The following EYS variants were observed in gnomAD, a reference collection of about 807,000 sequenced individuals.
The protein encoded by EYS is EGF-like photoreceptor maintenance factor.
Under a neutral mutation model 282.1 loss-of-function variants are expected in EYS, and 250 were observed. The ratio of observed to expected loss-of-function variants is 0.89; its 90% CI spans 0.80 to 0.98. The LOEUF is 0.98. EYS is among the 50% of genes least tolerant of loss of function. The pLI, the probability that EYS is intolerant of heterozygous loss-of-function variation, is 0.00. For synonymous variants in EYS, 1,355 were observed against 1,282.9 expected (o/e 1.06, Z -1.20); for missense variants, 4,016 against 3,709.0 (o/e 1.08, Z -2.15).
intron 2 of EYS, among the ~76,000 whole-genome samples, chr6:65,568,519 TTAAA>T (rs1764365088): frequency 6.6e-6 from 1 of 152,132 alleles, no homozygotes; most frequent in African/African-American, 2.4e-5. Flanking sequence ...ATTTAAACAA[TTAAA>T]TAAACTTTTT....
chr6:64,589,730 T>C (rs1441610000), intron 26 of EYS, among the ~76,000 whole-genome samples: 2 of 151,900 alleles, frequency 1.3e-5, no homozygotes, highest in Admixed American at 6.6e-5. Flanking sequence ...TTATATAAAA[T>C]GAAACAAAAA....
At chr6:64,218,398 A>G (rs1765996751) in intron 31 of EYS, among the ~76,000 whole-genome samples, 1 of 152,090 alleles carries the variant, frequency 6.6e-6, no homozygotes, top group African/African-American at 2.4e-5. Context: ...GTAATCATCA[A>G]GAAGGACAGA....
At chr6:65,229,933 T>C (rs921380620) in intron 12 of EYS, among the ~76,000 whole-genome samples, 1 of 151,948 alleles carries the variant, frequency 6.6e-6, no homozygotes, top group African/African-American at 2.4e-5. Context: ...CAGAGATCTA[T>C]GACACATACA....
At chr6:65,607,092 C>CTT (rs1348558102) in intron 2 of EYS, among the ~76,000 whole-genome samples, 30 of 151,818 alleles carry the variant, frequency 2.0e-4, no homozygotes, top group Admixed American at 1.4e-3. Context: ...GTGATAATTT[C>CTT]TTGTGAAACT....
intron 5 of EYS, among the ~76,000 whole-genome samples, chr6:65,428,766 G>A (rs1310609625): frequency 1.3e-5 from 2 of 152,058 alleles, no homozygotes; most frequent in Non-Finnish European, 2.9e-5. Context: ...TAAATATAAT[G>A]TAAGTTGGAT....
At chr6:63,821,385 A>G (rs367688599) in intron 36 of EYS, 1 of 152,298 alleles carries the variant, frequency 6.6e-6, no homozygotes, top group African/African-American at 2.4e-5. Context: ...ACCCTTATTG[A>G]GAGTATAAAA....
intron 37 of EYS, among the ~76,000 whole-genome samples, chr6:63,790,889 G>C (rs140769791): frequency 1.1e-4 from 16 of 152,274 alleles, no homozygotes; most frequent in African/African-American, 3.9e-4. Flanking sequence ...CGAGCTGTAA[G>C]GTAGTGGGAG....
chr6:64,341,858 G>T (rs1259907180), intron 29 of EYS, among the ~76,000 whole-genome samples: 2 of 151,476 alleles, frequency 1.3e-5, no homozygotes, highest in Non-Finnish European at 3.0e-5. Context: ...TGGTCACCAT[G>T]ATACACTCAT....
At chr6:64,783,079 G>T (rs1383618475) in intron 22 of EYS, among the ~76,000 whole-genome samples, 1 of 152,098 alleles carries the variant, frequency 6.6e-6, no homozygotes, top group Non-Finnish European at 1.5e-5. Flanking sequence ...CTTTTGTCCA[G>T]TATCCACACC....
chr6:64,795,286 G>A lies in EYS; in HGVS notation c.3443+18092C>T, dbSNP rs1011691917. On this transcript the variant is annotated intron_variant, in intron 22 of 42. Coordinates refer to ENST00000503581, the MANE Select transcript of EYS (RefSeq NM_001142800.2). ...TGCCTTTTATTTTGAAATTATACAT[G>A]ATATTTGTGTTTCCTAGAAGTAGAT... Among the ~76,000 whole-genome samples the A allele has an allele frequency of 4.6e-5, 7 of 151,682 alleles. No individual in the cohort carries two copies. In the South Asian group the frequency reaches 1.5e-3, roughly 32 times the overall value.
chr6:65,443,566 A>G (rs1768517242), intron 5 of EYS, among the ~76,000 whole-genome samples: 1 of 148,162 alleles, frequency 6.7e-6, no homozygotes, highest in Admixed American at 6.8e-5. Context: ...ACATGTATAC[A>G]CACATATGTG....
chr6:65,311,202 AT>A (rs1769149974), intron 11 of EYS, among the ~76,000 whole-genome samples: 3 of 152,226 alleles, frequency 2.0e-5, no homozygotes, highest in African/African-American at 7.2e-5. Flanking sequence ...ATATTCTTAG[AT>A]ATATAACTAA....
At chr6:64,441,193 A>C (rs1309461679) in intron 26 of EYS, among the ~76,000 whole-genome samples, 1 of 152,194 alleles carries the variant, frequency 6.6e-6, no homozygotes, top group Admixed American at 6.5e-5. Flanking sequence ...ATCAATTTTC[A>C]AGGGAAAAAT....
chr6:64,543,329 T>G (rs1367806223), intron 26 of EYS, among the ~76,000 whole-genome samples: 1 of 152,118 alleles, frequency 6.6e-6, no homozygotes, highest in Non-Finnish European at 1.5e-5. Flanking sequence ...AGTATTAAAA[T>G]GGAGGTAAAT....
intron 14 of EYS, among the ~76,000 whole-genome samples, chr6:64,975,146 T>C (rs180963565): frequency 1.2e-4 from 18 of 151,972 alleles, no homozygotes; most frequent in African/African-American, 3.9e-4. Flanking sequence ...ATTTTTAAAA[T>C]CATTTAGCTG....
intron 2 of EYS, among the ~76,000 whole-genome samples, chr6:65,531,292 A>G (rs571592220): frequency 3.9e-5 from 6 of 152,284 alleles, no homozygotes; most frequent in African/African-American, 1.4e-4. Flanking sequence ...TACCTATGTT[A>G]ACATCATTGT....
At chr6:64,495,233 AC>A (rs753762469) in intron 26 of EYS, among the ~76,000 whole-genome samples, 3 of 151,750 alleles carry the variant, frequency 2.0e-5, no homozygotes, top group Non-Finnish European at 4.4e-5. Context: ...ATTACTACAT[AC>A]ATGTTGGTGG....
At chr6:64,057,048 T>C (rs955792021) in intron 33 of EYS, among the ~76,000 whole-genome samples, 1 of 152,166 alleles carries the variant, frequency 6.6e-6, no homozygotes, top group Admixed American at 6.5e-5. Context: ...AAACAGAAAT[T>C]TACTGTGTCT....
intron 2 of EYS, among the ~76,000 whole-genome samples, chr6:65,622,906 C>T (rs1187783839): frequency 6.6e-6 from 1 of 151,972 alleles, no homozygotes; most frequent in African/African-American, 2.4e-5. Flanking sequence ...TATAAGCATG[C>T]ACAACACCAC....
Sources: gnomAD v4.1 joint callset for allele counts (sites outside exome capture counted in the v4.1 genomes callset) on GRCh38, gnomAD v4.1.1 for gene constraint, MANE v1.5 for transcripts, NCBI Gene and HGNC (gene_info 2026-07-23, HGNC 2026-07-21) for gene names.